PODXL2: variants seen among roughly 807,000 people sequenced by gnomAD.
The protein encoded by PODXL2 is podocalyxin like 2, also known as podocalyxin-like protein 2.
A neutral mutation model predicts 53.4 loss-of-function variants in PODXL2; 17 were observed. The observed-to-expected ratio is 0.32, with a 90% CI of 0.22 to 0.48. PODXL2 has a LOEUF of 0.48. Ranked by LOEUF, PODXL2 falls within the 20% of genes least tolerant of loss-of-function variation. The pLI, the probability that PODXL2 is intolerant of heterozygous loss-of-function variation, is 0.99. For missense variants in PODXL2, 673 were observed against 760.0 expected (o/e 0.89, Z 1.35); for synonymous variants, 311 against 306.7 (o/e 1.01, Z -0.15).
chr3:127,633,314 G>C (rs149617982), intron 1 of PODXL2, among the ~76,000 whole-genome samples: 9 of 152,334 alleles, frequency 5.9e-5, no homozygotes, highest in Non-Finnish European at 1.2e-4. Flanking sequence ...AGCCCCACAA[G>C]TAATAGCTTT....
Position 127,660,878 on chromosome 3 carries a change from G to A in PODXL2, c.850G>A (p.Glu284Lys). The A allele has an allele frequency of 6.2e-7, 1 of 1,614,260 alleles. No individual in the cohort carries two copies. The highest frequency in any genetic ancestry group is 8.5e-7 in the Non-Finnish European group (1 of 1,180,050). Residue 284 changes from glutamate to lysine, a missense_variant, in exon 3 of 8, where the codon GAA (glutamate) becomes AAA (lysine). Glu to Lys is a moderately conservative substitution (Grantham distance 56). Transcript: ENST00000342480. Reference protein sequence around the residue: ...GLGVEFEAPQEASEEATAGAA... With the variant: ...GLGVEFEAPQKASEEATAGAA... ...TGGGGTAGAGTTCGAGGCTCCTCAG[G>A]AAGCAAGCGAGGAAGCCACTGCAGG...
Position 127,672,330 on chromosome 3 carries a change from G to A in PODXL2, c.1668G>A (p.Val556=), listed in dbSNP as rs1290764573. ...NGCHDNPTLD[V]ASDSQSEMQE... ...GCCACGACAACCCCACGCTGGACGT[G>A]GCCAGCGACAGCCAGTCGGAGATGC... The change falls in exon 8 of 8, where the codon GTG becomes GTA. Residue 556 remains valine (V), a synonymous_variant. Transcript: ENST00000342480. The A allele has an allele frequency of 6.5e-7, 1 of 1,550,266 alleles. No homozygotes were observed. The highest frequency in any genetic ancestry group is 2.4e-5 in the East Asian group (1 of 41,170).
At chr3:127,663,860 C>T (rs532104329) in intron 4 of PODXL2, among the ~76,000 whole-genome samples, 4 of 152,204 alleles carry the variant, frequency 2.6e-5, no homozygotes, top group South Asian at 2.1e-4. Flanking sequence ...GCCTAAAGTT[C>T]GTATCTTTTT....
At position 127,629,198 on chromosome 3, in the gene PODXL2, T is replaced by C. The variant is rs2074523903; in HGVS notation, c.-22T>C. ...GGCCCGGGCGCCGCGCCGCTGCGGCTGCAGGCGGCGACGGCTACACCATGG... is the reference window on the plus strand; with the variant it reads ...GGCCCGGGCGCCGCGCCGCTGCGGCCGCAGGCGGCGACGGCTACACCATGG... On this transcript the variant is annotated 5_prime_UTR_variant, in exon 1 of 8. Coordinates refer to ENST00000342480, the MANE Select transcript of PODXL2 (RefSeq NM_015720.4). This position sits in a 1 kb window ranked among gnomAD's most constrained non-coding sequence, Gnocchi z 6.4. 2 of 982,504 alleles carry C rather than the reference T, an allele frequency of 2.0e-6. No individual in the cohort carries two copies. The highest frequency in any genetic ancestry group is 4.6e-5 in the South Asian group (1 of 21,962). The allele number at this position is 982,504 out of a possible 1,614,324, so 60.9% of individuals were successfully genotyped here.
chr3:127,669,385 G>A (rs1335726407), intron 6 of PODXL2, among the ~76,000 whole-genome samples, 183 bp downstream of exon 6: 1 of 149,710 alleles, frequency 6.7e-6, no homozygotes, highest in Non-Finnish European at 1.5e-5. Context: ...GACGGTGCAT[G>A]TGCATGCTAC....
chr3:127,669,126 T>C lies in PODXL2; in HGVS notation c.1364-15T>C. The C allele has an allele frequency of 6.3e-7, 1 of 1,590,492 alleles. No homozygotes were observed. Among genetic ancestry groups the C allele is most frequent in the South Asian group, 1.1e-5 (1 of 88,504 alleles). ...AGCCATGGTCACACTGATAGTGGTG[T>C]TTCTTACCCCCCAGGGGTGGTGCCC... On this transcript the variant is annotated splice_polypyrimidine_tract_variant and intron_variant, in intron 5 of 7. Coordinates refer to ENST00000342480, the MANE Select transcript of PODXL2 (RefSeq NM_015720.4).
chr3:127,647,119 G>C (rs2074661890), intron 2 of PODXL2, among the ~76,000 whole-genome samples: 1 of 152,108 alleles, frequency 6.6e-6, no homozygotes, highest in Non-Finnish European at 1.5e-5. Flanking sequence ...TCTAATGTTG[G>C]CTTCAGTCTC....
chr3:127,640,303 A>G (rs1329445851), intron 2 of PODXL2, among the ~76,000 whole-genome samples: 2 of 152,178 alleles, frequency 1.3e-5, no homozygotes, highest in African/African-American at 4.8e-5. Context: ...TTAACCTTTA[A>G]TTTTTCTTTT....
chr3:127,659,522 A>C (rs1293243271), intron 2 of PODXL2, among the ~76,000 whole-genome samples: 2 of 152,226 alleles, frequency 1.3e-5, no homozygotes, highest in Non-Finnish European at 2.9e-5. Context: ...TTTGAAACAA[A>C]ATGGCAGCCA....
At chr3:127,639,546 C>A in intron 2 of PODXL2, 23 bp downstream of exon 2, 1 of 1,586,842 alleles carries the variant, frequency 6.3e-7, no homozygotes, top group Admixed American at 1.8e-5. Context: ...ACCTACAGAG[C>A]ATGTGTTGAG....
At chr3:127,646,396 T>C (rs539531070) in intron 2 of PODXL2, among the ~76,000 whole-genome samples, 89 of 152,158 alleles carry the variant, frequency 5.8e-4, no homozygotes, top group South Asian at 3.5e-3. Context: ...GATTTTTTTT[T>C]TTTTTTTAGA....
intron 2 of PODXL2, 115 bp from the exon 3 acceptor site, chr3:127,660,263 G>C (rs1463829557): frequency 3.4e-5 from 47 of 1,372,618 alleles, no homozygotes; most frequent in Non-Finnish European, 4.6e-5. Context: ...ATCATGACCT[G>C]ATGACCCCTG....
intron 2 of PODXL2, among the ~76,000 whole-genome samples, chr3:127,650,702 G>T (rs2074683142): frequency 6.6e-6 from 1 of 152,098 alleles, no homozygotes; most frequent in Non-Finnish European, 1.5e-5. Context: ...TGTCGCCCAG[G>T]CTGGAGTGCA....
intron 6 of PODXL2, among the ~76,000 whole-genome samples, chr3:127,670,655 T>C (rs2107546686): frequency 6.6e-6 from 1 of 152,216 alleles, no homozygotes; most frequent in South Asian, 2.1e-4. Context: ...CAACCTGAAC[T>C]CAGAAAGGGG....
chr3:127,636,880 A>G (rs1338007660), intron 1 of PODXL2, among the ~76,000 whole-genome samples: 2 of 151,988 alleles, frequency 1.3e-5, no homozygotes, highest in Admixed American at 6.6e-5. Flanking sequence ...CTGGAGTGCA[A>G]TGGCACCATC....
intron 2 of PODXL2, among the ~76,000 whole-genome samples, chr3:127,640,692 ACT>A (rs1300866761): frequency 1.5e-5 from 2 of 137,150 alleles, no homozygotes; most frequent in Non-Finnish European, 3.2e-5. Flanking sequence ...CAAGAACAAA[ACT>A]CTATCTCAAA....
Position 127,639,485 on chromosome 3 carries a change from A to T in PODXL2, c.311A>T (p.Glu104Val). 1 of 1,614,192 alleles carries T rather than the reference A, an allele frequency of 6.2e-7. No individual in the cohort carries two copies. Among genetic ancestry groups the T allele is most frequent in the Non-Finnish European group, 8.5e-7 (1 of 1,180,006 alleles). ...PPQYFWEEEE[E>V]LNDSSLDLGP... Reference sequence around the variant, plus strand: ...CAGTACTTCTGGGAAGAGGAGGAAGAGCTGAATGACTCAAGTCTGGACCTG... The same window carrying T: ...CAGTACTTCTGGGAAGAGGAGGAAGTGCTGAATGACTCAAGTCTGGACCTG... Residue 104 changes from glutamate to valine, a missense_variant, in exon 2 of 8, where the codon GAG (glutamate) becomes GTG (valine). Physicochemically the swap from Glu to Val is moderately radical, Grantham distance 121. Around this residue, in one of 3 missense-constraint regions of PODXL2, gnomAD observed 588 missense variants for 668.3 expected, o/e 0.88. Transcript: ENST00000342480.
At chr3:127,641,535 C>T (rs560939924) in intron 2 of PODXL2, among the ~76,000 whole-genome samples, 3 of 151,340 alleles carry the variant, frequency 2.0e-5, no homozygotes, top group East Asian at 2.0e-4. Context: ...TTTCTTGAGA[C>T]GGAGTTTTGC....
rs59068179 is a variant in PODXL2 at position 127,668,401 on chromosome 3, T to C, written c.1207-40T>C. 7,511 of 1,472,210 alleles carry C rather than the reference T, an allele frequency of 5.1e-3. 235 individuals carry two copies. The African/African-American group carries it at 0.068, about 13-fold the overall frequency. The allele number at this position is 1,472,210 out of a possible 1,614,324, so 91.2% of individuals were successfully genotyped here. On this transcript the variant is annotated intron_variant, in intron 4 of 7. Coordinates refer to ENST00000342480, the MANE Select transcript of PODXL2 (RefSeq NM_015720.4). ...AGGCAGAGGGCTCAGTAGAGCCCCTTTCCTTCACTGAACACGGGGGGCTCT... is the reference window on the plus strand; with the variant it reads ...AGGCAGAGGGCTCAGTAGAGCCCCTCTCCTTCACTGAACACGGGGGGCTCT...
Sources: allele counts gnomAD v4.1 joint callset (sites outside exome capture counted in the v4.1 genomes callset), GRCh38; gene constraint gnomAD v4.1.1; regional missense constraint gnomAD v4.1.1; non-coding constraint Gnocchi (gnomAD v3.1); transcripts MANE v1.5; gene names NCBI Gene and HGNC (gene_info 2026-07-23, HGNC 2026-07-21).